Variants in PCDHB11 observed in about 807,000 individuals in gnomAD.
The protein encoded by PCDHB11 is protocadherin beta-11.
For synonymous variants in PCDHB11, 522 were observed against 442.0 expected (o/e 1.18, Z -2.27); for missense variants, 1,151 against 1,003.4 (o/e 1.15, Z -1.99).
rs575434035 is a variant in PCDHB11, at chr5:141,201,485, C to T, written c.1711C>T (p.Pro571Ser). Residue 571 changes from proline (P) to serine (S), a missense_variant, in exon 1 of 1, where the codon CCC becomes TCC. Coordinates refer to ENST00000354757, the MANE Select transcript of PCDHB11 (RefSeq NM_018931.3). ...VLYPLQNGSA[P>S]CTELVPRAAE... Reference sequence around the variant, plus strand: ...GTACCCGCTGCAGAACGGCTCCGCGCCCTGCACCGAGCTGGTGCCCCGGGC... The same window carrying T: ...GTACCCGCTGCAGAACGGCTCCGCGTCCTGCACCGAGCTGGTGCCCCGGGC... 122 of 1,609,660 alleles carry T rather than the reference C, an allele frequency of 7.6e-5. No homozygotes were observed. The African/African-American group carries it at 1.4e-3, about 19-fold the overall frequency.
Position 141,201,057 on chromosome 5 carries a change from T to C in PCDHB11, c.1283T>C (p.Ile428Thr), listed in dbSNP as rs782362688. 6.2e-6 allele frequency: 10 copies of C among 1,614,084 alleles called. No individual in the cohort carries two copies. Among genetic ancestry groups the C allele is most frequent in the East Asian group, 2.2e-5 (1 of 44,874 alleles). Reference protein sequence around the residue: ...NITITVTDLGIPRLKTEHNTT... With the variant: ...NITITVTDLGTPRLKTEHNTT... The stretch of plus-strand genomic sequence containing the variant: ...ACCATCACCGTCACCGACTTGGGGA[T>C]ACCCAGGCTGAAAACCGAGCACAAC... The change falls in exon 1 of 1, where the codon ATA becomes ACA. Residue 428 changes from isoleucine (I) to threonine (T), a missense_variant. Ile to Thr is a moderately conservative substitution (Grantham distance 89). Transcript: ENST00000354757.
Position 141,201,448 on chromosome 5 carries a change from G to T in PCDHB11, c.1674G>T (p.Ser558=), listed in dbSNP as rs1328255488. ...RVLVLDANDN[S]PFVLYPLQNG... ...TGGTGCTGGACGCCAACGACAACTC[G>T]CCCTTCGTGCTGTACCCGCTGCAGA... The change falls in exon 1 of 1, where the codon TCG becomes TCT. Residue 558 remains serine, a synonymous_variant. Transcript: ENST00000354757. The T allele has an allele frequency of 8.7e-6, 14 of 1,611,096 alleles. No homozygotes were observed. Among genetic ancestry groups the T allele is most frequent in the Non-Finnish European group, 9.3e-6 (11 of 1,179,532 alleles).
Position 141,201,875 on chromosome 5 carries a change from T to C in PCDHB11, c.2101T>C (p.Phe701Leu). 4 of 1,612,014 alleles carry C rather than the reference T, an allele frequency of 2.5e-6. No homozygotes were observed. Among genetic ancestry groups the C allele is most frequent in the Non-Finnish European group, 3.4e-6 (4 of 1,179,884 alleles). The change falls in exon 1 of 1, where the codon TTC becomes CTC. Residue 701 changes from phenylalanine (F) to leucine (L), a missense_variant. By Grantham distance (22) the Phe-to-Leu change is conservative. Coordinates refer to ENST00000354757, the MANE Select transcript of PCDHB11 (RefSeq NM_018931.3). ...VVALASVSSL[F>L]LFSVLLFVAV... The stretch of plus-strand genomic sequence containing the variant: ...GGCGTTGGCCTCGGTGTCTTCGCTC[T>C]TCCTCTTCTCGGTGCTCCTGTTCGT...
chr5:141,201,059 C>T lies in PCDHB11; in HGVS notation c.1285C>T (p.Pro429Ser), dbSNP rs782716909. 2.5e-6 allele frequency: 4 copies of T among 1,614,068 alleles called. No individual in the cohort carries two copies. Among genetic ancestry groups the T allele is most frequent in the Non-Finnish European group, 3.4e-6 (4 of 1,180,038 alleles). ...ITITVTDLGI[P>S]RLKTEHNTTV... ...CATCACCGTCACCGACTTGGGGATA[C>T]CCAGGCTGAAAACCGAGCACAACAC... Residue 429 changes from proline to serine, a missense_variant, in exon 1 of 1, where the codon CCC (proline) becomes TCC (serine). Coordinates refer to ENST00000354757, the MANE Select transcript of PCDHB11 (RefSeq NM_018931.3).
rs1383315948 is a variant in PCDHB11 at position 141,200,721 on chromosome 5, C to T, written c.947C>T (p.Ser316Leu). 1.9e-6 allele frequency: 3 copies of T among 1,614,104 alleles called. No individual in the cohort carries two copies. The highest frequency in any genetic ancestry group is 4.5e-5 in the East Asian group (2 of 44,886). Residue 316 changes from serine to leucine, a missense_variant, in exon 1 of 1, where the codon TCA (serine) becomes TTA (leucine). Coordinates refer to ENST00000354757, the MANE Select transcript of PCDHB11 (RefSeq NM_018931.3). ...PLDFETIESY[S>L]IIIQATDGGG... ...GATTTTGAAACGATTGAGTCATACT[C>T]AATAATCATTCAAGCCACAGATGGG...
rs74949746 is a variant in PCDHB11, at chr5:141,201,385, C to T, written c.1611C>T (p.Gly537=). 6 of 1,612,372 alleles carry T rather than the reference C, an allele frequency of 3.7e-6. No individual in the cohort carries two copies. The highest frequency in any genetic ancestry group is 1.7e-5 in the Admixed American group (1 of 59,984). The part of the protein sequence containing the change: ...FDFRVGATDR[G]SPALSSEALV... ...TCCGCGTGGGCGCCACAGACCGCGG[C>T]TCCCCGGCTTTGAGCAGCGAGGCGC... The change falls in exon 1 of 1, where the codon GGC becomes GGT. Residue 537 remains glycine, a synonymous_variant. Coordinates refer to ENST00000354757, the MANE Select transcript of PCDHB11 (RefSeq NM_018931.3).
rs1554285554 is a variant in PCDHB11 at position 141,201,284 on chromosome 5, G to A, written c.1510G>A (p.Val504Ile). The A allele has an allele frequency of 6.2e-7, 1 of 1,613,556 alleles. No homozygotes were observed. Among genetic ancestry groups the A allele is most frequent in the Admixed American group, 1.7e-5 (1 of 60,026 alleles). ...QDLHLPLASLVSINTDNGHLF... is the reference protein window; with the variant it reads ...QDLHLPLASLISINTDNGHLF... ...CCTGCACCTGCCCCTCGCCTCCCTGGTCTCCATCAACACAGACAACGGCCA... is the reference window on the plus strand; with the variant it reads ...CCTGCACCTGCCCCTCGCCTCCCTGATCTCCATCAACACAGACAACGGCCA... The change falls in exon 1 of 1, where the codon GTC becomes ATC. Residue 504 changes from valine to isoleucine, a missense_variant. Coordinates refer to ENST00000354757, the MANE Select transcript of PCDHB11 (RefSeq NM_018931.3).
chr5:141,201,040 C>T lies in PCDHB11; in HGVS notation c.1266C>T (p.Thr422=), dbSNP rs1554285473. Residue 422 remains threonine (T), a synonymous_variant, in exon 1 of 1, where the codon ACC becomes ACT. Transcript: ENST00000354757. Reference sequence around the variant, plus strand: ...CAGCCGAGTACAATATCACCATCACCGTCACCGACTTGGGGATACCCAGGC... The same window carrying T: ...CAGCCGAGTACAATATCACCATCACTGTCACCGACTTGGGGATACCCAGGC... ...ESTAEYNITI[T]VTDLGIPRLK... 6.2e-7 allele frequency: 1 copy of T among 1,614,176 alleles called. No homozygotes were observed. The highest frequency in any genetic ancestry group is 1.1e-5 in the South Asian group (1 of 91,078).
In PCDHB11 at chr5:141,199,927, C is replaced by T; in HGVS notation, c.153C>T (p.Asp51=). The T allele has an allele frequency of 6.2e-7, 1 of 1,614,004 alleles. No homozygotes were observed. The highest frequency in any genetic ancestry group is 1.3e-5 in the African/African-American group (1 of 74,964). ...SGSFVGNLAK[D]LGLKVRELSS... Reference sequence around the variant, plus strand: ...GTTTTGTAGGCAATCTGGCAAAGGACCTGGGGCTGAAGGTGAGAGAACTGT... The same window carrying T: ...GTTTTGTAGGCAATCTGGCAAAGGATCTGGGGCTGAAGGTGAGAGAACTGT... The change falls in exon 1 of 1, where the codon GAC becomes GAT. Residue 51 remains aspartate, a synonymous_variant. Coordinates refer to ENST00000354757, the MANE Select transcript of PCDHB11 (RefSeq NM_018931.3).
chr5:141,201,022 G>T lies in PCDHB11; in HGVS notation c.1248G>T (p.Glu416Asp), dbSNP rs1554285463. The T allele has an allele frequency of 6.2e-7, 1 of 1,614,180 alleles. No homozygotes were observed. The change falls in exon 1 of 1, where the codon GAG becomes GAT. Residue 416 changes from glutamate to aspartate, a missense_variant. Coordinates refer to ENST00000354757, the MANE Select transcript of PCDHB11 (RefSeq NM_018931.3). ...CACTGGACAGAGAGAGCACAGCCGA[G>T]TACAATATCACCATCACCGTCACCG... ...ERPLDRESTA[E>D]YNITITVTDL... is the part of the protein sequence containing the mutation.
In PCDHB11 at chr5:141,201,961, G is replaced by A; in HGVS notation, c.2187G>A (p.Lys729=). 1 of 1,614,176 alleles carries A rather than the reference G, an allele frequency of 6.2e-7. No homozygotes were observed. The highest frequency in any genetic ancestry group is 8.5e-7 in the Non-Finnish European group (1 of 1,180,028). ...CGGTGGGAAGCTGCTCGGTGCCTAA[G>A]GGCCCCTTTCCAGGGCATCTGGTGG... ...AASVGSCSVP[K]GPFPGHLVDV... is the part of the protein sequence containing the mutation. The change falls in exon 1 of 1, where the codon AAG becomes AAA. Residue 729 remains lysine, a synonymous_variant. Transcript: ENST00000354757.
rs1231546447 is a variant in PCDHB11 at position 141,203,026 on chromosome 5, C to T, written c.*858C>T. The T allele has an allele frequency of 6.6e-6, 1 of 152,154 alleles. No individual in the cohort carries two copies. The highest frequency in any genetic ancestry group is 1.5e-5 in the Non-Finnish European group (1 of 68,024). The allele number at this position is 152,154 out of a possible 1,614,324, so 9.4% of individuals were successfully genotyped here. A position where few individuals can be genotyped will look rare whatever the true frequency, so the allele number is the denominator to read the frequency against. ...AAGGTTTTAATCCTTTCCAAGTGTA[C>T]AATAATTTACTGATTATTATTTCTT... On this transcript the variant is annotated 3_prime_UTR_variant, in exon 1 of 1. Coordinates refer to ENST00000354757, the MANE Select transcript of PCDHB11 (RefSeq NM_018931.3).
rs986580206 is a variant in PCDHB11, at chr5:141,203,379, C to T, written c.*1211C>T. 6.6e-6 allele frequency: 1 copy of T among 152,264 alleles called. No individual in the cohort carries two copies. Among genetic ancestry groups the T allele is most frequent in the African/African-American group, 2.4e-5 (1 of 41,454 alleles). The allele number at this position is 152,264 out of a possible 1,614,324, so 9.4% of individuals were successfully genotyped here. A position where few individuals can be genotyped will look rare whatever the true frequency, so the allele number is the denominator to read the frequency against. ...ACAGGCGTGAGCCACCGTGCCCAGG[C>T]TCCCCTAGTATTTTTCACTGTCTGC... On this transcript the variant is annotated 3_prime_UTR_variant, in exon 1 of 1. Transcript: ENST00000354757.
In PCDHB11 at chr5:141,203,756, AAAAT is replaced by A. The variant is rs535854741; in HGVS notation, c.*1594_*1597del. ...CAAACAAAATGTAATAAACTGCATGAAAATAAATAGGAATATTAAAACATTTTGA... is the reference window on the plus strand; with the variant it reads ...CAAACAAAATGTAATAAACTGCATGAAAATAGGAATATTAAAACATTTTGA... On this transcript the variant is annotated 3_prime_UTR_variant, in exon 1 of 1. Coordinates refer to ENST00000354757, the MANE Select transcript of PCDHB11 (RefSeq NM_018931.3). 6.6e-6 allele frequency: 1 copy of A among 152,212 alleles called. No homozygotes were observed. Among genetic ancestry groups the A allele is most frequent in the Non-Finnish European group, 1.5e-5 (1 of 68,046 alleles). 9.4% of individuals were successfully genotyped at this position (152,212 alleles called of 1,614,324 possible). A position where few individuals can be genotyped will look rare whatever the true frequency, so the allele number is the denominator to read the frequency against.
chr5:141,202,127 G>A lies in PCDHB11; in HGVS notation c.2353G>A (p.Glu785Lys), dbSNP rs2149675072. 6.2e-7 allele frequency: 1 copy of A among 1,612,220 alleles called. No individual in the cohort carries two copies. The highest frequency in any genetic ancestry group is 8.5e-7 in the Non-Finnish European group (1 of 1,178,944). The change falls in exon 1 of 1, where the codon GAA becomes AAA. Residue 785 changes from glutamate to lysine, a missense_variant. By Grantham distance (56) the Glu-to-Lys change is moderately conservative. Coordinates refer to ENST00000354757, the MANE Select transcript of PCDHB11 (RefSeq NM_018931.3). ...QAKGLGKNSE[E>K]NSTFRNSFGF... ...AAAAGGTCTTGGGAAGAATAGTGAA[G>A]AAAACTCCACCTTTCGAAATAGCTT...
At position 141,200,477 on chromosome 5, in the gene PCDHB11, A is replaced by C. The variant is rs1554285294; in HGVS notation, c.703A>C (p.Ile235Leu). 6 of 1,614,120 alleles carry C rather than the reference A, an allele frequency of 3.7e-6. No individual in the cohort carries two copies. The highest frequency in any genetic ancestry group is 4.2e-6 in the Non-Finnish European group (5 of 1,180,036). ...CTTGGTCAGGGTGGTGGTTGTGGAC[A>C]TTAATGACAACTCCCCTGAATTTGA... ...TALVRVVVVDINDNSPEFEQA... is the reference protein window; with the variant it reads ...TALVRVVVVDLNDNSPEFEQA... Residue 235 changes from isoleucine to leucine, a missense_variant, in exon 1 of 1, where the codon ATT becomes CTT. Transcript: ENST00000354757.
rs782457497 is a variant in PCDHB11 at position 141,199,812 on chromosome 5, A to G, written c.38A>G (p.Gln13Arg). 2 of 1,614,240 alleles carry G rather than the reference A, an allele frequency of 1.2e-6. No individual in the cohort carries two copies. Residue 13 changes from glutamine (Q) to arginine (R), a missense_variant, in exon 1 of 1, where the codon CAA becomes CGA. Transcript: ENST00000354757. ...GGGACACGCACTCAGCAGATAAGGC[A>G]AGTCCTGCTTCTCTTTGTTTTGCTC... ...NQGTRTQQIR[Q>R]VLLLFVLLGM...
Position 141,202,279 on chromosome 5 carries a change from T to A in PCDHB11, c.*111T>A. On this transcript the variant is annotated 3_prime_UTR_variant, in exon 1 of 1. Coordinates refer to ENST00000354757, the MANE Select transcript of PCDHB11 (RefSeq NM_018931.3). ...TATGCAATACGACTAATTGTATTTT[T>A]AATTTTTTCTTTTCTCCCCCAATTT... 9.1e-7 allele frequency: 1 copy of A among 1,095,506 alleles called. No homozygotes were observed. Among genetic ancestry groups the A allele is most frequent in the Non-Finnish European group, 1.3e-6 (1 of 791,884 alleles). 67.9% of individuals were successfully genotyped at this position (1,095,506 alleles called of 1,614,324 possible). A position where few individuals can be genotyped will look rare whatever the true frequency, so the allele number is the denominator to read the frequency against.
At position 141,203,547 on chromosome 5, in the gene PCDHB11, C is replaced by T. The variant is rs1315446762; in HGVS notation, c.*1379C>T. ...CTAAATCACAGCATTTAAAGAGAAA[C>T]ATTTCATTATTAATGTGCTCATGGT... On this transcript the variant is annotated 3_prime_UTR_variant, in exon 1 of 1. Coordinates refer to ENST00000354757, the MANE Select transcript of PCDHB11 (RefSeq NM_018931.3). 2 of 152,150 alleles carry T rather than the reference C, an allele frequency of 1.3e-5. No homozygotes were observed. Among genetic ancestry groups the T allele is most frequent in the African/African-American group, 4.8e-5 (2 of 41,428 alleles). The allele number at this position is 152,150 out of a possible 1,614,324, so 9.4% of individuals were successfully genotyped here. A position where few individuals can be genotyped will look rare whatever the true frequency, so the allele number is the denominator to read the frequency against.
Sources: gnomAD v4.1 joint callset for allele counts on GRCh38, gnomAD v4.1.1 for gene constraint, MANE v1.5 for transcripts, NCBI Gene and HGNC (gene_info 2026-07-23, HGNC 2026-07-21) for gene names.